The following CCR3 variants were observed in gnomAD, a reference collection of about 807,000 sequenced individuals.
CCR3 encodes the protein C-C motif chemokine receptor 3, also known as C-C chemokine receptor type 3.
For synonymous variants in CCR3, 203 were observed against 179.2 expected (o/e 1.13, Z -1.06); for missense variants, 419 against 437.5 (o/e 0.96, Z 0.38).
intron 2 of CCR3, among the ~76,000 whole-genome samples, chr3:46,236,650 T>G (rs1275794099): frequency 1.3e-5 from 2 of 152,266 alleles, no homozygotes; most frequent in African/African-American, 2.4e-5. Context: ...TTGGGACTGC[T>G]GGTTGTCAAG....
At position 46,265,643 on chromosome 3, in the gene CCR3, T is replaced by C. The variant is rs41276533; in HGVS notation, c.485T>C (p.Val162Ala). ...AGCATCGTCACCTGGGGCCTGGCAG[T>C]GCTAGCAGCTCTTCCTGAATTTATC... The part of the protein sequence containing the change: ...ITSIVTWGLA[V>A]LAALPEFIFY... The change falls in exon 2 of 2, where the codon GTG becomes GCG. Residue 162 changes from valine (V) to alanine (A), a missense_variant. Coordinates refer to ENST00000395940, the MANE Select transcript of CCR3 (RefSeq NM_178329.3). 6.2e-7 allele frequency: 1 copy of C among 1,614,038 alleles called. No homozygotes were observed. The highest frequency in any genetic ancestry group is 2.2e-5 in the East Asian group (1 of 44,880).
At chr3:46,233,060 T>C (rs1333956101) in intron 2 of CCR3, among the ~76,000 whole-genome samples, 1 of 152,252 alleles carries the variant, frequency 6.6e-6, no homozygotes, top group African/African-American at 2.4e-5. Flanking sequence ...CTCGAACTCC[T>C]GACCTCGTGA....
At chr3:46,223,664 A>T (rs1179952503) in intron 2 of CCR3, among the ~76,000 whole-genome samples, 3 of 151,950 alleles carry the variant, frequency 2.0e-5, no homozygotes, top group Admixed American at 2.0e-4. Flanking sequence ...GTACAGTTTG[A>T]CCTCTTTTAT....
rs201282796 is a variant in CCR3 at position 46,254,993 on chromosome 3, G to A, written c.-11-10155G>A. 3.9e-5 allele frequency among the ~76,000 whole-genome samples: 6 copies of A among 152,128 alleles called. No individual in the cohort carries two copies. The East Asian group carries it at 7.7e-4, about 20-fold the overall frequency. On this transcript the variant is annotated intron_variant, in intron 1 of 1. Coordinates refer to ENST00000395940, the MANE Select transcript of CCR3 (RefSeq NM_178329.3). ...GAATCACCACATTGTTTTCCATAGG[G>A]GTTGTACTAGTTTACATACCCATCA...
intron 1 of CCR3, among the ~76,000 whole-genome samples, chr3:46,259,534 A>G (rs1453262981): frequency 1.3e-5 from 2 of 152,226 alleles, no homozygotes; most frequent in African/African-American, 2.4e-5. Context: ...AATAAGATAT[A>G]TCTATACAAA....
In CCR3 at chr3:46,265,527, C is replaced by T. The variant is rs764609128; in HGVS notation, c.369C>T (p.Phe123=). The T allele has an allele frequency of 2.5e-6, 4 of 1,614,122 alleles. No homozygotes were observed. Among genetic ancestry groups the T allele is most frequent in the Non-Finnish European group, 3.4e-6 (4 of 1,180,004 alleles). The part of the protein sequence containing the change: ...YHTGLYSEIF[F]IILLTIDRYL... ...CAGGCTTGTACAGCGAGATCTTTTT[C>T]ATAATCCTGCTGACAATCGACAGGT... Residue 123 remains phenylalanine (F), a synonymous_variant, in exon 2 of 2, where the codon TTC becomes TTT. Transcript: ENST00000395940.
chr3:46,238,216 G>A (rs980515805), upstream of CCR3, among the ~76,000 whole-genome samples: 5 of 151,304 alleles, frequency 3.3e-5, no homozygotes, highest in African/African-American at 1.2e-4. Flanking sequence ...GAGAGTTTTA[G>A]TGTTCTGTAT....
In CCR3 at chr3:46,265,931, C is replaced by T. The variant is rs765184832; in HGVS notation, c.773C>T (p.Ala258Val). ...FFIFWTPYNV[A>V]ILLSSYQSIL... ...ATTTTCTGGACACCCTACAATGTGGCTATCCTTCTCTCTTCCTATCAATCC... is the reference window on the plus strand; with the variant it reads ...ATTTTCTGGACACCCTACAATGTGGTTATCCTTCTCTCTTCCTATCAATCC... Residue 258 changes from alanine to valine, a missense_variant, in exon 2 of 2, where the codon GCT becomes GTT. Ala to Val is a moderately conservative substitution (Grantham distance 64). Coordinates refer to ENST00000395940, the MANE Select transcript of CCR3 (RefSeq NM_178329.3). The T allele has an allele frequency of 1.2e-6, 2 of 1,614,162 alleles. No homozygotes were observed. The highest frequency in any genetic ancestry group is 4.5e-5 in the East Asian group (2 of 44,886).
intron 1 of CCR3, among the ~76,000 whole-genome samples, chr3:46,247,149 G>A (rs1700212896): frequency 6.6e-6 from 1 of 152,172 alleles, no homozygotes; most frequent in Admixed American, 6.5e-5. Context: ...GTTAAGAGCG[G>A]CGGTTTGGGG....
At chr3:46,264,638 G>A (rs1178954434) in intron 1 of CCR3, 3 of 548,950 alleles carry the variant, frequency 5.5e-6, no homozygotes, top group East Asian at 3.3e-5. Flanking sequence ...TATAATGAAT[G>A]GCTCATCATT....
In CCR3 at chr3:46,243,004, C is replaced by CACATATATATATATATATATATATATAT. The variant is rs1559531091; in HGVS notation, c.-12+466_-12+467insACATATATATATATATATATATATATAT. Among the ~76,000 whole-genome samples, 24 of 62,820 alleles carry CACATATATATATATATATATATATATAT rather than the reference C, an allele frequency of 3.8e-4. 1 individual carries two copies. Among genetic ancestry groups the CACATATATATATATATATATATATATAT allele is most frequent in the Non-Finnish European group, 5.7e-4 (20 of 35,118 alleles). 41.2% of individuals were successfully genotyped at this position (62,820 alleles called of 152,430 possible). ...ACACATATATATATATATATATATACGCACACACACATACATTTTTATATA... is the reference window on the plus strand; with the variant it reads ...ACACATATATATATATATATATATACACATATATATATATATATATATATATATGCACACACACATACATTTTTATATA... On this transcript the variant is annotated intron_variant, in intron 1 of 1. Coordinates refer to ENST00000395940, the MANE Select transcript of CCR3 (RefSeq NM_178329.3).
In CCR3 at chr3:46,265,586, G is replaced by A. The variant is rs56177184; in HGVS notation, c.428G>A (p.Arg143Gln). ...ATTGTCCATGCTGTGTTTGCCCTTC[G>A]AGCCCGGACTGTCACTTTTGGTGTC... Reference protein sequence around the residue: ...LAIVHAVFALRARTVTFGVIT... With the variant: ...LAIVHAVFALQARTVTFGVIT... The change falls in exon 2 of 2, where the codon CGA (arginine) becomes CAA (glutamine). Residue 143 changes from arginine (R) to glutamine (Q), a missense_variant. By Grantham distance (43) the Arg-to-Gln change is conservative. Coordinates refer to ENST00000395940, the MANE Select transcript of CCR3 (RefSeq NM_178329.3). 5.7e-5 allele frequency: 92 copies of A among 1,613,986 alleles called. No homozygotes were observed. Among genetic ancestry groups the A allele is most frequent in the African/African-American group, 4.5e-4 (34 of 74,960 alleles).
chr3:46,238,254 T>TAA (rs11373619), upstream of CCR3, among the ~76,000 whole-genome samples: 41 of 150,718 alleles, frequency 2.7e-4, no homozygotes, highest in Non-Finnish European at 3.7e-4. Flanking sequence ...ATTGTCAATT[T>TAA]AAAAAAAAAA....
intron 2 of CCR3, among the ~76,000 whole-genome samples, chr3:46,220,402 G>A (rs534513922): frequency 9.9e-5 from 15 of 152,284 alleles, no homozygotes; most frequent in Middle Eastern, 3.4e-3. Flanking sequence ...CACTGCTGCT[G>A]GGCATGTAAA....
chr3:46,225,383 G>A (rs1699883014), intron 2 of CCR3, among the ~76,000 whole-genome samples: 2 of 152,246 alleles, frequency 1.3e-5, no homozygotes, highest in East Asian at 3.9e-4. Context: ...TAGGTAAATT[G>A]TCCATGGCAT....
intron 2 of CCR3, among the ~76,000 whole-genome samples, chr3:46,211,122 G>T (rs1047855840): frequency 2.0e-5 from 3 of 152,002 alleles, no homozygotes; most frequent in African/African-American, 7.2e-5. Flanking sequence ...TCTACAGAGG[G>T]CTTGTTAAAA....
chr3:46,229,583 A>T (rs1484752444), intron 2 of CCR3, among the ~76,000 whole-genome samples: 1 of 152,166 alleles, frequency 6.6e-6, no homozygotes, highest in Non-Finnish European at 1.5e-5. Flanking sequence ...AAGGACTGCA[A>T]AGGGACACAA....
chr3:46,218,473 T>C (rs1347418710), intron 2 of CCR3, among the ~76,000 whole-genome samples: 1 of 152,118 alleles, frequency 6.6e-6, no homozygotes, highest in Non-Finnish European at 1.5e-5. Flanking sequence ...AATCATTCTA[T>C]GAAGCTAGTA....
At chr3:46,258,135 A>T (rs1341858138) in intron 1 of CCR3, among the ~76,000 whole-genome samples, 1 of 152,236 alleles carries the variant, frequency 6.6e-6, no homozygotes, top group African/African-American at 2.4e-5. Context: ...ACTTTCACAG[A>T]CACACTCAAT....
Sources: gnomAD v4.1 joint callset for allele counts (sites outside exome capture counted in the v4.1 genomes callset) on GRCh38, gnomAD v4.1.1 for gene constraint, MANE v1.5 for transcripts, NCBI Gene and HGNC (gene_info 2026-07-23, HGNC 2026-07-21) for gene names.